FBH1: variants seen among roughly 807,000 people sequenced by gnomAD.
The protein encoded by FBH1 is DNA 3'-5' helicase 1.
Under a neutral mutation model 115.5 loss-of-function variants are expected in FBH1, and 43 were observed. The observed-to-expected ratio is 0.37, with a 90% CI of 0.29 to 0.48. FBH1 has a LOEUF of 0.48. FBH1 is among the 20% of genes least tolerant of loss of function. The probability of loss-of-function intolerance (pLI) is 0.99; values close to 1 mark genes in which losing one functional copy is unlikely to be tolerated. For synonymous variants in FBH1, 524 were observed against 507.8 expected, an observed-to-expected ratio of 1.03 and a Z score of -0.43; for missense variants, 1,001 against 1,337.3, an observed-to-expected ratio of 0.75 and a Z score of 3.92.
In FBH1 at chr10:5,895,804, G is replaced by A. The variant is rs1334248428; in HGVS notation, c.1+5458G>A. On this transcript the variant is annotated intron_variant, in intron 1 of 20. Transcript: ENST00000362091. This position sits in a 1 kb window ranked among gnomAD's most constrained non-coding sequence, Gnocchi z 5.0. Reference sequence around the variant, plus strand: ...TTAAGGGGAAGAGGAGAAGAGTGGAGGGCAGGTCTGGAAGAGGCGTGTGCT... The same window carrying A: ...TTAAGGGGAAGAGGAGAAGAGTGGAAGGCAGGTCTGGAAGAGGCGTGTGCT... Among the ~76,000 whole-genome samples, 1 of 152,180 alleles carries A rather than the reference G, an allele frequency of 6.6e-6. No homozygotes were observed. Among genetic ancestry groups the A allele is most frequent in the Non-Finnish European group, 1.5e-5 (1 of 68,034 alleles).
At chr10:5,890,040 G>C, upstream of FBH1, 1 of 284,884 alleles carries the variant, frequency 3.5e-6, no homozygotes, top group Non-Finnish European at 6.5e-6. Flanking sequence ...AGCGCGGATG[G>C]GGCGTGGCCC....
intron 19 of FBH1, among the ~76,000 whole-genome samples, chr10:5,930,220 C>G (rs533510478): frequency 5.9e-5 from 9 of 152,196 alleles, no homozygotes; most frequent in Admixed American, 3.3e-4. Flanking sequence ...GTGGCCTCTA[C>G]TACCCGATCC....
intron 13 of FBH1, among the ~76,000 whole-genome samples, chr10:5,919,018 A>G (rs2132030732): frequency 6.6e-6 from 1 of 152,342 alleles, no homozygotes; most frequent in South Asian, 2.1e-4. Flanking sequence ...TGTGTCAGCC[A>G]AGACAGTATA....
chr10:5,925,647 AC>A lies in FBH1; in HGVS notation c.2722+156del, dbSNP rs1488978852. Among the ~76,000 whole-genome samples the A allele has an allele frequency of 6.6e-6, 1 of 152,036 alleles. No homozygotes were observed. Among genetic ancestry groups the A allele is most frequent in the Non-Finnish European group, 1.5e-5 (1 of 68,006 alleles). ...ACCACAAAACACCTCCTAGTCCTAA[AC>A]TTTTGATTCTTATACTGTGGTTTTT... On this transcript the variant is annotated intron_variant, in intron 18 of 20. Coordinates refer to ENST00000362091, the MANE Select transcript of FBH1 (RefSeq NM_178150.3). This position sits in a 1 kb window ranked among gnomAD's most constrained non-coding sequence, Gnocchi z 4.6.
Position 5,925,335 on chromosome 10 carries a change from A to C in FBH1, c.2597-32A>C. 1.2e-6 allele frequency: 2 copies of C among 1,605,724 alleles called. No individual in the cohort carries two copies. The highest frequency in any genetic ancestry group is 1.7e-6 in the Non-Finnish European group (2 of 1,176,492). ...CATCTTGTTTCTTTCCCTTTGAAGC[A>C]CCATCTAACGTGTGCTGTGTTTTTA... On this transcript the variant is annotated intron_variant, in intron 17 of 20. Transcript: ENST00000362091. This position sits in a 1 kb window ranked among gnomAD's most constrained non-coding sequence, Gnocchi z 4.6.
chr10:5,924,509 G>A lies in FBH1; in HGVS notation c.2596+1G>A. The A allele has an allele frequency of 6.2e-7, 1 of 1,613,556 alleles. No individual in the cohort carries two copies. The highest frequency in any genetic ancestry group is 1.1e-5 in the South Asian group (1 of 91,052). ...CATATAGAAGATTTGGACTTTGCAG[G>A]TAAGGGAAGCAGTTGGTTTTTACCT... On this transcript the variant is annotated splice_donor_variant, in intron 17 of 20. Transcript: ENST00000362091. LOFTEE classifies it high-confidence loss of function. The surrounding 1 kb of genome is among the most constrained non-coding windows in gnomAD (Gnocchi z 6.2).
chr10:5,893,696 ATTACT>A (rs1167010871), intron 1 of FBH1, among the ~76,000 whole-genome samples: 1 of 152,132 alleles, frequency 6.6e-6, no homozygotes, highest in Non-Finnish European at 1.5e-5. Context: ...TAGTTGTTAT[ATTACT>A]TTATCTTTAG....
intron 19 of FBH1, chr10:5,928,211 C>T (rs904357532): frequency 7.1e-6 from 1 of 140,320 alleles, no homozygotes; most frequent in African/African-American, 2.6e-5. Flanking sequence ...AGTGCAGTGG[C>T]ACAGTCATCA....
chr10:5,892,826 AC>A (rs1842808552), intron 1 of FBH1, among the ~76,000 whole-genome samples: 1 of 152,210 alleles, frequency 6.6e-6, no homozygotes, highest in South Asian at 2.1e-4. Context: ...GTCTTGTCAA[AC>A]AAAGCCATGT....
chr10:5,908,801 G>A lies in FBH1; in HGVS notation c.754-124G>A. ...TTTGTATTTTTTTTCAGTAGAGACGGGGCTTCACCATGTTGGCCATGCTAG... is the reference window on the plus strand; with the variant it reads ...TTTGTATTTTTTTTCAGTAGAGACGAGGCTTCACCATGTTGGCCATGCTAG... On this transcript the variant is annotated intron_variant, in intron 3 of 20. Coordinates refer to ENST00000362091, the MANE Select transcript of FBH1 (RefSeq NM_178150.3). 3 of 1,081,552 alleles carry A rather than the reference G, an allele frequency of 2.8e-6. No individual in the cohort carries two copies. The South Asian group carries it at 4.3e-5, about 15-fold the overall frequency. The allele number at this position is 1,081,552 out of a possible 1,614,324, so 67.0% of individuals were successfully genotyped here. A position where few individuals can be genotyped will look rare whatever the true frequency, so the allele number is the denominator to read the frequency against.
In FBH1 at chr10:5,908,811, A is replaced by T. The variant is rs143286805; in HGVS notation, c.754-114A>T. The T allele has an allele frequency of 1.1e-3, 1,319 of 1,197,076 alleles. 14 individuals carry two copies. The African/African-American group carries it at 0.018, about 17-fold the overall frequency. The allele number at this position is 1,197,076 out of a possible 1,614,324, so 74.2% of individuals were successfully genotyped here. A position where few individuals can be genotyped will look rare whatever the true frequency, so the allele number is the denominator to read the frequency against. ...TTTTCAGTAGAGACGGGGCTTCACC[A>T]TGTTGGCCATGCTAGTCTCAAACTC... is the stretch of plus-strand genomic sequence containing the variant. On this transcript the variant is annotated intron_variant, in intron 3 of 20. Coordinates refer to ENST00000362091, the MANE Select transcript of FBH1 (RefSeq NM_178150.3).
intron 6 of FBH1, among the ~76,000 whole-genome samples, chr10:5,912,174 A>G (rs769604476): frequency 3.3e-5 from 5 of 152,110 alleles, no homozygotes; most frequent in African/African-American, 1.2e-4. Context: ...AGCCTGGCCA[A>G]CAAGGGGAAA....
rs751501589 is a variant in FBH1 at position 5,924,629 on chromosome 10, G to A, written c.2596+121G>A. 4.9e-4 allele frequency: 500 copies of A among 1,021,358 alleles called. 1 individual carries two copies. The highest frequency in any genetic ancestry group is 6.7e-4 in the South Asian group (47 of 69,706). 63.3% of individuals were successfully genotyped at this position (1,021,358 alleles called of 1,614,324 possible). A position where few individuals can be genotyped will look rare whatever the true frequency, so the allele number is the denominator to read the frequency against. On this transcript the variant is annotated intron_variant, in intron 17 of 20. Transcript: ENST00000362091. The surrounding 1 kb of genome is among the most constrained non-coding windows in gnomAD (Gnocchi z 6.2). ...GTTGCCCAGGCTGGAGTGCAGTGGC[G>A]TGATCTTGGCTCACTGCAATGCCCA...
Position 5,915,254 on chromosome 10 carries a change from G to A in FBH1, c.1397-149G>A, listed in dbSNP as rs1417401711. ...TGGCTTTGAATCTGCTGCTCTTTTG[G>A]TGGCACTACTTTTACCAGCACTGAA... On this transcript the variant is annotated intron_variant, in intron 8 of 20. Coordinates refer to ENST00000362091, the MANE Select transcript of FBH1 (RefSeq NM_178150.3). The surrounding 1 kb of genome is among the most constrained non-coding windows in gnomAD (Gnocchi z 5.2). 7.9e-6 allele frequency: 6 copies of A among 758,018 alleles called. No homozygotes were observed. In the East Asian group the frequency reaches 1.1e-4, roughly 14 times the overall value. The allele number at this position is 758,018 out of a possible 1,614,324, so 47.0% of individuals were successfully genotyped here.
rs879365366 is a variant in FBH1 at position 5,935,971 on chromosome 10, C to T, written c.2830-485C>T. 6.5e-6 allele frequency: 1 copy of T among 154,198 alleles called. No individual in the cohort carries two copies. Among genetic ancestry groups the T allele is most frequent in the Non-Finnish European group, 1.4e-5 (1 of 69,252 alleles). 9.6% of individuals were successfully genotyped at this position (154,198 alleles called of 1,614,324 possible). A position where few individuals can be genotyped will look rare whatever the true frequency, so the allele number is the denominator to read the frequency against. ...CCACCTGAAGCAGGCACCGTGCCAT[C>T]TGCATTTATGGATAAAGACACAGGC... On this transcript the variant is annotated intron_variant, in intron 19 of 20. Coordinates refer to ENST00000362091, the MANE Select transcript of FBH1 (RefSeq NM_178150.3). This position sits in a 1 kb window ranked among gnomAD's most constrained non-coding sequence, Gnocchi z 5.2.
In FBH1 at chr10:5,918,322, T is replaced by C; in HGVS notation, c.1964-20T>C. The stretch of plus-strand genomic sequence containing the variant: ...GGTGGAGGCCTCAAGGTTTCTCACT[T>C]TTCCTCTCGTTGGTTACAGCTATCA... On this transcript the variant is annotated intron_variant, in intron 12 of 20. Transcript: ENST00000362091. The surrounding 1 kb of genome is among the most constrained non-coding windows in gnomAD (Gnocchi z 4.0). 1 of 1,605,276 alleles carries C rather than the reference T, an allele frequency of 6.2e-7. No homozygotes were observed. Among genetic ancestry groups the C allele is most frequent in the Non-Finnish European group, 8.5e-7 (1 of 1,177,980 alleles).
intron 1 of FBH1, chr10:5,891,118 T>C: frequency 1.0e-6 from 1 of 985,000 alleles, no homozygotes; most frequent in Middle Eastern, 5.2e-4. Flanking sequence ...GAATTACAGG[T>C]AATAAAGTCT....
At position 5,937,197 on chromosome 10, in the gene FBH1, C is replaced by T. The variant is rs2132174866; in HGVS notation, c.3049C>T (p.Pro1017Ser). ...GCCCCTGGCGTTCCTGACAGCCTCC[C>T]CGGAGCAGGTGCGCGCCATGGAGCG... is the stretch of plus-strand genomic sequence containing the variant. ...IGPLAFLTASPEQVRAMERTV... is the reference protein window; with the variant it reads ...IGPLAFLTASSEQVRAMERTV... The change falls in exon 21 of 21, where the codon CCG becomes TCG. Residue 1017 changes from proline (P) to serine (S), a missense_variant. Pro to Ser is a moderately conservative substitution (Grantham distance 74). Transcript: ENST00000362091. 1 of 1,614,060 alleles carries T rather than the reference C, an allele frequency of 6.2e-7. No individual in the cohort carries two copies. The highest frequency in any genetic ancestry group is 8.5e-7 in the Non-Finnish European group (1 of 1,179,978).
rs1038065612 is a variant in FBH1 at position 5,906,680 on chromosome 10, C to G, written c.753+48C>G. ...AGATGTTTCCTCTAAAAGCACGTAACTTTGCTTAATGCACGCTTATAATCA... is the reference window on the plus strand; with the variant it reads ...AGATGTTTCCTCTAAAAGCACGTAAGTTTGCTTAATGCACGCTTATAATCA... On this transcript the variant is annotated intron_variant, in intron 3 of 20. Transcript: ENST00000362091. This position sits in a 1 kb window ranked among gnomAD's most constrained non-coding sequence, Gnocchi z 7.3. 6.8e-7 allele frequency: 1 copy of G among 1,469,112 alleles called. No individual in the cohort carries two copies. Among genetic ancestry groups the G allele is most frequent in the African/African-American group, 1.4e-5 (1 of 71,462 alleles). The allele number at this position is 1,469,112 out of a possible 1,614,324, so 91.0% of individuals were successfully genotyped here.
Sources: gnomAD v4.1 joint callset for allele counts (sites outside exome capture counted in the v4.1 genomes callset) on GRCh38, gnomAD v4.1.1 for gene constraint, Gnocchi (gnomAD v3.1) non-coding constraint, MANE v1.5 for transcripts, NCBI Gene and HGNC (gene_info 2026-07-23, HGNC 2026-07-21) for gene names.